NEDD1: variants seen among roughly 807,000 people sequenced by gnomAD.
NEDD1 encodes the protein protein NEDD1.
In NEDD1, 33 loss-of-function variants were observed where a neutral mutation model predicts 74.0. The observed-to-expected ratio is 0.45, with a 90% CI of 0.34 to 0.60. The LOEUF (loss-of-function observed/expected upper bound fraction) is 0.60, where lower values mean the gene tolerates loss of function less well. NEDD1 is among the 20% of genes least tolerant of loss of function. NEDD1 has a pLI of 0.01. For synonymous variants in NEDD1, 250 were observed against 264.4 expected (o/e 0.95, Z 0.53); for missense variants, 746 against 776.5 (o/e 0.96, Z 0.47).
intron 4 of NEDD1, among the ~76,000 whole-genome samples, chr12:96,916,514 T>G (rs1335721780): frequency 1.4e-5 from 2 of 139,170 alleles, no homozygotes; most frequent in African/African-American, 5.4e-5. Flanking sequence ...TGTTTGGTTT[T>G]TTGTTCTTGC....
chr12:96,921,266 C>T (rs905232820), intron 6 of NEDD1, among the ~76,000 whole-genome samples: 1 of 152,184 alleles, frequency 6.6e-6, no homozygotes, highest in Non-Finnish European at 1.5e-5. Flanking sequence ...ACTGCAACCA[C>T]TGTCTCCCGG....
intron 3 of NEDD1, 43 bp downstream of exon 3, chr12:96,909,938 C>A: frequency 1.3e-6 from 2 of 1,556,548 alleles, no homozygotes; most frequent in African/African-American, 1.4e-5. Flanking sequence ...ACACACAAAC[C>A]GCTTATTAGG....
In NEDD1 at chr12:96,909,904, T is replaced by TAA. The variant is rs34499067; in HGVS notation, c.136+20_136+21dup. The TAA allele has an allele frequency of 4.2e-5, 59 of 1,402,034 alleles. No individual in the cohort carries two copies. The highest frequency in any genetic ancestry group is 2.7e-4 in the South Asian group (20 of 73,062). The allele number at this position is 1,402,034 out of a possible 1,614,324, so 86.8% of individuals were successfully genotyped here. On this transcript the variant is annotated intron_variant, in intron 3 of 15. Coordinates refer to ENST00000266742, the MANE Select transcript of NEDD1 (RefSeq NM_152905.4). ...ATGTTGGAGCAGCAATAGTATCCTT[T>TAA]AAAAAAAAAAAACACACACACACAC...
chr12:96,932,487 T>TATATATATATATATATATATATATAA (rs1300455459), intron 6 of NEDD1, among the ~76,000 whole-genome samples: 1 of 75,054 alleles, frequency 1.3e-5, no homozygotes, highest in Admixed American at 1.8e-4. Flanking sequence ...TATATATATA[T>TATATATATATATATATATATATATAA]AAAATGCACA....
At position 96,907,529 on chromosome 12, in the gene NEDD1, G is replaced by A. The variant is rs966711578; in HGVS notation, c.-261-75G>A. The A allele has an allele frequency of 6.4e-6, 8 of 1,249,242 alleles. No individual in the cohort carries two copies. The African/African-American group carries it at 9.0e-5, about 14-fold the overall frequency. The allele number at this position is 1,249,242 out of a possible 1,614,324, so 77.4% of individuals were successfully genotyped here. A position where few individuals can be genotyped will look rare whatever the true frequency, so the allele number is the denominator to read the frequency against. Reference sequence around the variant, plus strand: ...CTCCCGGAGCCTTGTGGGGTGTGCTGCCTCCGAAAAGTTTGCCTCGTCTCC... The same window carrying A: ...CTCCCGGAGCCTTGTGGGGTGTGCTACCTCCGAAAAGTTTGCCTCGTCTCC... On this transcript the variant is annotated intron_variant, in intron 1 of 15. Transcript: ENST00000266742.
chr12:96,946,753 A>G (rs917199911), intron 14 of NEDD1, among the ~76,000 whole-genome samples: 5 of 152,164 alleles, frequency 3.3e-5, no homozygotes, highest in Non-Finnish European at 7.3e-5. Context: ...TGGGATCAGT[A>G]GAATAGAACA....
chr12:96,938,253 A>G (rs546494962), intron 9 of NEDD1, among the ~76,000 whole-genome samples: 3 of 152,118 alleles, frequency 2.0e-5, no homozygotes, highest in African/African-American at 4.8e-5. Context: ...GAATATCTGT[A>G]TCATCCTTAT....
intron 9 of NEDD1, among the ~76,000 whole-genome samples, chr12:96,938,493 T>A (rs938877703): frequency 2.0e-5 from 3 of 152,056 alleles, no homozygotes; most frequent in Non-Finnish European, 4.4e-5. Flanking sequence ...CTGAAGTCTC[T>A]CCATTATTCA....
intron 7 of NEDD1, 123 bp from the exon 8 acceptor site, chr12:96,936,488 A>G: frequency 1.6e-6 from 1 of 635,338 alleles, no homozygotes; most frequent in Non-Finnish European, 2.8e-6. Flanking sequence ...TATTTGGGAT[A>G]TGTGTGCTCT....
chr12:96,925,168 T>G (rs904743041), intron 6 of NEDD1, among the ~76,000 whole-genome samples: 1 of 151,988 alleles, frequency 6.6e-6, no homozygotes, highest in Non-Finnish European at 1.5e-5. Context: ...GAGAGACACC[T>G]AAGCCATTTG....
chr12:96,943,382 T>G (rs1877858475), intron 11 of NEDD1, among the ~76,000 whole-genome samples, 178 bp from the exon 12 acceptor site: 1 of 152,150 alleles, frequency 6.6e-6, no homozygotes, highest in South Asian at 2.1e-4. Context: ...CACAGAAAGT[T>G]TAAGACTTTT....
intron 7 of NEDD1, among the ~76,000 whole-genome samples, chr12:96,936,280 T>G (rs1877078118): frequency 6.6e-6 from 1 of 152,188 alleles, no homozygotes; most frequent in African/African-American, 2.4e-5. Flanking sequence ...CCAGAGCCCC[T>G]GTTTGTGGCG....
chr12:96,940,362 T>C (rs373693876), intron 9 of NEDD1, 47 bp from the exon 10 acceptor site: 280 of 1,211,750 alleles, frequency 2.3e-4, no homozygotes, highest in Non-Finnish European at 3.1e-4. Context: ...TATGATAAAA[T>C]TTATTTAGAT....
chr12:96,944,093 G>T (rs1456979258), intron 12 of NEDD1, among the ~76,000 whole-genome samples: 1 of 152,004 alleles, frequency 6.6e-6, no homozygotes, highest in East Asian at 1.9e-4. Flanking sequence ...AGAGCAAACT[G>T]ATGGTGCTGA....
intron 7 of NEDD1, 125 bp from the exon 8 acceptor site, chr12:96,936,486 A>G: frequency 3.2e-6 from 2 of 630,874 alleles, no homozygotes; most frequent in Non-Finnish European, 5.7e-6. Flanking sequence ...AATATTTGGG[A>G]TATGTGTGCT....
At chr12:96,939,477 T>C (rs1163162833) in intron 9 of NEDD1, among the ~76,000 whole-genome samples, 2 of 152,104 alleles carry the variant, frequency 1.3e-5, no homozygotes, top group Non-Finnish European at 2.9e-5. Flanking sequence ...TTTATTTTAT[T>C]CGCCAGTCTT....
At chr12:96,945,484 A>T (rs1297249993) in intron 13 of NEDD1, among the ~76,000 whole-genome samples, 1 of 152,070 alleles carries the variant, frequency 6.6e-6, no homozygotes, top group African/African-American at 2.4e-5. Context: ...GACAGCTGGC[A>T]GTTTATATAT....
intron 9 of NEDD1, among the ~76,000 whole-genome samples, 161 bp downstream of exon 9, chr12:96,937,554 A>C (rs1390367323): frequency 6.6e-6 from 1 of 152,158 alleles, no homozygotes; most frequent in Non-Finnish European, 1.5e-5. Context: ...GAAGAAGTGA[A>C]AATAGTAACT....
At chr12:96,936,213 G>GGCC (rs1877069665) in intron 7 of NEDD1, among the ~76,000 whole-genome samples, 1 of 152,080 alleles carries the variant, frequency 6.6e-6, no homozygotes, top group East Asian at 1.9e-4. Context: ...GTCCTCATGA[G>GGCC]GCCTAAGCAG....
Sources: gnomAD v4.1 joint callset for allele counts (sites outside exome capture counted in the v4.1 genomes callset) on GRCh38, gnomAD v4.1.1 for gene constraint, MANE v1.5 for transcripts, NCBI Gene and HGNC (gene_info 2026-07-23, HGNC 2026-07-21) for gene names.